GLCCI1: variants seen among roughly 807,000 people sequenced by gnomAD.
The protein encoded by GLCCI1 is glucocorticoid induced 1, also known as glucocorticoid-induced transcript 1 protein.
A neutral mutation model predicts 52.2 loss-of-function variants in GLCCI1; 24 were observed. That is an observed-to-expected ratio of 0.46 (90% CI 0.33 to 0.65). GLCCI1 has a LOEUF of 0.65. Among genes scored for constraint, GLCCI1 ranks in the 30% least tolerant of loss-of-function variants. The pLI, the probability that GLCCI1 is intolerant of heterozygous loss-of-function variation, is 0.02. For synonymous variants in GLCCI1, 310 were observed against 276.5 expected, an observed-to-expected ratio of 1.12 and a Z score of -1.20; for missense variants, 704 against 701.5, an observed-to-expected ratio of 1.00 and a Z score of -0.04.
At chr7:7,971,087 A>C (rs145956866) in intron 1 of GLCCI1, among the ~76,000 whole-genome samples, 1 of 152,342 alleles carries the variant, frequency 6.6e-6, no homozygotes, top group African/African-American at 2.4e-5. Flanking sequence ...TGACCACTTG[A>C]TGGTGAACCA....
At chr7:7,983,171 T>C (rs1780657060) in intron 1 of GLCCI1, among the ~76,000 whole-genome samples, 1 of 151,678 alleles carries the variant, frequency 6.6e-6, no homozygotes, top group Non-Finnish European at 1.5e-5. Context: ...TTTATGGGCA[T>C]ATAGAACACT....
At chr7:7,980,171 AG>A (rs1780582653) in intron 1 of GLCCI1, 1 of 152,414 alleles carries the variant, frequency 6.6e-6, no homozygotes, top group African/African-American at 2.4e-5. Context: ...CTGGGATTAT[AG>A]GTGTGAGCCA....
intron 2 of GLCCI1, among the ~76,000 whole-genome samples, chr7:8,015,490 T>C (rs1583973581): frequency 6.6e-6 from 1 of 152,332 alleles, no homozygotes; most frequent in East Asian, 1.9e-4. Context: ...TTAGATTGCA[T>C]TCTAGGGGTC....
Position 8,060,077 on chromosome 7 carries a change from C to G in GLCCI1, c.814-19C>G. 1 of 1,598,754 alleles carries G rather than the reference C, an allele frequency of 6.3e-7. No individual in the cohort carries two copies. On this transcript the variant is annotated intron_variant, in intron 4 of 7. Transcript: ENST00000223145. ...TTTGACCACAAATAATTTGATACCACCTTTATCTTATCTCATAGGCTACTG... is the reference window on the plus strand; with the variant it reads ...TTTGACCACAAATAATTTGATACCAGCTTTATCTTATCTCATAGGCTACTG...
In GLCCI1 at chr7:8,044,703, C is replaced by G. The variant is rs192384585; in HGVS notation, c.697-10730C>G. ...TCTTCATAATTCACATGTATACTCTCTCTATCAGATAATTTGCTTCAGGAT... is the reference window on the plus strand; with the variant it reads ...TCTTCATAATTCACATGTATACTCTGTCTATCAGATAATTTGCTTCAGGAT... On this transcript the variant is annotated intron_variant, in intron 3 of 7. Transcript: ENST00000223145. 2.6e-3 allele frequency among the ~76,000 whole-genome samples: 393 copies of G among 152,298 alleles called. 3 individuals carry two copies. Among genetic ancestry groups the G allele is most frequent in the Middle Eastern group, 0.017 (5 of 294 alleles).
intron 1 of GLCCI1, among the ~76,000 whole-genome samples, chr7:7,971,719 A>T (rs1221244819): frequency 1.3e-5 from 2 of 152,228 alleles, no homozygotes; most frequent in African/African-American, 4.8e-5. Context: ...AGCAGTTTTA[A>T]TAAAATTTGT....
intron 1 of GLCCI1, among the ~76,000 whole-genome samples, chr7:8,001,964 G>GA (rs1310397670): frequency 6.6e-6 from 1 of 152,152 alleles, no homozygotes; most frequent in Non-Finnish European, 1.5e-5. Context: ...GGAGCTGGGA[G>GA]AGGGATAGCA....
chr7:8,007,477 T>G (rs1272081368), intron 2 of GLCCI1, among the ~76,000 whole-genome samples: 1 of 152,198 alleles, frequency 6.6e-6, no homozygotes, highest in African/African-American at 2.4e-5. Flanking sequence ...CACTAACTAC[T>G]AACCTACTTC....
At chr7:7,971,449 C>T (rs935811105) in intron 1 of GLCCI1, among the ~76,000 whole-genome samples, 5 of 152,170 alleles carry the variant, frequency 3.3e-5, no homozygotes, top group Admixed American at 2.0e-4. Flanking sequence ...GATTTCGCTT[C>T]AACAGTGCAC....
chr7:7,973,306 G>A (rs189641918), intron 1 of GLCCI1, among the ~76,000 whole-genome samples: 17 of 152,058 alleles, frequency 1.1e-4, no homozygotes, highest in African/African-American at 4.1e-4. Context: ...ATATAGTAAA[G>A]TTGCTTCTTT....
chr7:8,038,156 T>G (rs1781910689), intron 3 of GLCCI1, among the ~76,000 whole-genome samples: 1 of 152,164 alleles, frequency 6.6e-6, no homozygotes, highest in Middle Eastern at 3.2e-3. Context: ...GGACAAACAT[T>G]CTAAGCTCTT....
intron 5 of GLCCI1, among the ~76,000 whole-genome samples, chr7:8,061,928 A>ATG (rs1782526596): frequency 6.6e-6 from 1 of 151,914 alleles, no homozygotes; most frequent in Non-Finnish European, 1.5e-5. Flanking sequence ...CGGCCTCCCA[A>ATG]CGTGCTTGGA....
In GLCCI1 at chr7:8,075,925, G is replaced by A. The variant is rs570718826; in HGVS notation, c.1177+4794G>A. 3.3e-5 allele frequency among the ~76,000 whole-genome samples: 5 copies of A among 152,256 alleles called. No individual in the cohort carries two copies. In the East Asian group the frequency reaches 5.8e-4, roughly 18 times the overall value. ...TCTGTGATTTAACTCATAAATATTC[G>A]TATTGCTAAACTTTTAGTGTTAGGA... On this transcript the variant is annotated intron_variant, in intron 6 of 7. Transcript: ENST00000223145.
At chr7:8,083,071 C>T (rs1293156935) in intron 6 of GLCCI1, among the ~76,000 whole-genome samples, 1 of 152,130 alleles carries the variant, frequency 6.6e-6, no homozygotes, top group African/African-American at 2.4e-5. Flanking sequence ...TTATGTCCAG[C>T]AGTAATCTCC....
intron 5 of GLCCI1, chr7:8,070,609 A>G (rs1382094679): frequency 1.5e-5 from 3 of 194,572 alleles, no homozygotes; most frequent in Admixed American, 6.0e-5. Flanking sequence ...AATATCTGCC[A>G]TGTGCCAGGA....
At position 7,969,943 on chromosome 7, in the gene GLCCI1, C is replaced by G. The variant is rs1438829884; in HGVS notation, c.457+136C>G. The G allele has an allele frequency of 1.7e-5, 19 of 1,101,904 alleles. No individual in the cohort carries two copies. The highest frequency in any genetic ancestry group is 8.4e-5 in the African/African-American group (5 of 59,228). 68.3% of individuals were successfully genotyped at this position (1,101,904 alleles called of 1,614,324 possible). A position where few individuals can be genotyped will look rare whatever the true frequency, so the allele number is the denominator to read the frequency against. On this transcript the variant is annotated intron_variant, in intron 1 of 7. Transcript: ENST00000223145. This position sits in a 1 kb window ranked among gnomAD's most constrained non-coding sequence, Gnocchi z 4.9. ...GAAAGTGGCTTTGGGAATCTCACCCCCCTGCGGTCGCTGTGGGGCTTGGAG... is the reference window on the plus strand; with the variant it reads ...GAAAGTGGCTTTGGGAATCTCACCCGCCTGCGGTCGCTGTGGGGCTTGGAG...
intron 5 of GLCCI1, 27 bp from the exon 6 acceptor site, chr7:8,070,894 G>A: frequency 1.3e-6 from 2 of 1,585,412 alleles, no homozygotes; most frequent in African/African-American, 2.7e-5. Context: ...ACCAGCATTT[G>A]GATGTTTAAT....
At chr7:8,029,417 C>T (rs535565161) in intron 3 of GLCCI1, among the ~76,000 whole-genome samples, 3 of 152,112 alleles carry the variant, frequency 2.0e-5, no homozygotes, top group Admixed American at 1.3e-4. Context: ...CAAAAACCCT[C>T]GAAAAAACTG....
At chr7:8,020,461 A>C (rs1018228902) in intron 2 of GLCCI1, among the ~76,000 whole-genome samples, 52 of 152,226 alleles carry the variant, frequency 3.4e-4, no homozygotes, top group African/African-American at 1.2e-3. Context: ...TAAGAAAAGG[A>C]TAATAGGAAG....
Sources: gnomAD v4.1 joint callset for allele counts (sites outside exome capture counted in the v4.1 genomes callset) on GRCh38, gnomAD v4.1.1 for gene constraint, Gnocchi (gnomAD v3.1) non-coding constraint, MANE v1.5 for transcripts, NCBI Gene and HGNC (gene_info 2026-07-23, HGNC 2026-07-21) for gene names.